SLC24A2: variants seen among roughly 807,000 people sequenced by gnomAD.
The protein encoded by SLC24A2 is sodium/potassium/calcium exchanger 2.
In SLC24A2, 36 loss-of-function variants were observed where a neutral mutation model predicts 62.0. The observed-to-expected ratio is 0.58, with a 90% CI of 0.44 to 0.77. The LOEUF (loss-of-function observed/expected upper bound fraction) is 0.77. Among genes scored for constraint, SLC24A2 ranks in the 30% least tolerant of loss-of-function variants. SLC24A2 has a pLI of 0.00. For synonymous variants in SLC24A2, 358 were observed against 294.0 expected (o/e 1.22, Z -2.23); for missense variants, 846 against 817.9 (o/e 1.03, Z -0.42).
rs1322752052 is a variant in SLC24A2 at position 19,512,939 on chromosome 9, T to G, written c.*3214A>C. The G allele has an allele frequency of 6.6e-6, 1 of 151,856 alleles. No homozygotes were observed. Among genetic ancestry groups the G allele is most frequent in the Non-Finnish European group, 1.5e-5 (1 of 67,994 alleles). 9.4% of individuals were successfully genotyped at this position (151,856 alleles called of 1,614,324 possible). A position where few individuals can be genotyped will look rare whatever the true frequency, so the allele number is the denominator to read the frequency against. ...TTGATATTCTTAGGGTGGGAAAATA[T>G]GGGTACATATGTGTATATTTGTAAA... On this transcript the variant is annotated 3_prime_UTR_variant, in exon 11 of 11. Coordinates refer to ENST00000341998, the MANE Select transcript of SLC24A2 (RefSeq NM_020344.4).
At chr9:20,159,101 G>C in the SLC24A2 span, among the ~76,000 whole-genome samples, 1 of 151,496 alleles carries the variant, frequency 6.6e-6, no homozygotes, top group Non-Finnish European at 1.5e-5. Context: ...AGAAATTTAA[G>C]GAAAGGAAGC....
the SLC24A2 span, among the ~76,000 whole-genome samples, chr9:19,961,371 T>C: frequency 6.6e-6 from 1 of 152,224 alleles, no homozygotes; most frequent in Non-Finnish European, 1.5e-5. Context: ...CTCTTTGTTT[T>C]TGACAGTATT....
At chr9:19,833,551 G>C in the SLC24A2 span, among the ~76,000 whole-genome samples, 2 of 152,234 alleles carry the variant, frequency 1.3e-5, no homozygotes, top group Non-Finnish European at 1.5e-5. Context: ...CATTGCGCAG[G>C]CTTGAGGAGG....
chr9:19,654,217 G>A lies in SLC24A2; in HGVS notation c.931-31918C>T, dbSNP rs530273016. Among the ~76,000 whole-genome samples, 20 of 152,210 alleles carry A rather than the reference G, an allele frequency of 1.3e-4. No homozygotes were observed. The South Asian group carries it at 3.5e-3, about 27-fold the overall frequency. ...TATAGAATGTAGCCTTTGATATCCCGCTCTTCCACATGTTTCTGAGATGCA... is the reference window on the plus strand; with the variant it reads ...TATAGAATGTAGCCTTTGATATCCCACTCTTCCACATGTTTCTGAGATGCA... On this transcript the variant is annotated intron_variant, in intron 2 of 10. Transcript: ENST00000341998.
At chr9:20,001,003 G>A in the SLC24A2 span, among the ~76,000 whole-genome samples, 7 of 152,322 alleles carry the variant, frequency 4.6e-5, no homozygotes, top group East Asian at 1.2e-3. Flanking sequence ...CAAGAGCAAA[G>A]ATCACGTTTT....
the SLC24A2 span, among the ~76,000 whole-genome samples, chr9:20,212,422 G>A: frequency 9.2e-5 from 14 of 151,720 alleles, no homozygotes; most frequent in South Asian, 4.1e-4. Context: ...AAGCCAAAGC[G>A]GACAGATCAC....
the SLC24A2 span, among the ~76,000 whole-genome samples, chr9:19,977,906 C>A: frequency 6.6e-6 from 1 of 152,150 alleles, no homozygotes; most frequent in African/African-American, 2.4e-5. Context: ...CAGAAAAGAC[C>A]ATGTTCCTGG....
At chr9:19,870,178 C>T in the SLC24A2 span, among the ~76,000 whole-genome samples, 7 of 152,202 alleles carry the variant, frequency 4.6e-5, no homozygotes, top group South Asian at 8.3e-4. Flanking sequence ...AGTAGTTATT[C>T]CTCATTTTTC....
chr9:20,104,906 C>T, the SLC24A2 span, among the ~76,000 whole-genome samples: 3 of 152,098 alleles, frequency 2.0e-5, no homozygotes, highest in Non-Finnish European at 1.5e-5. Flanking sequence ...CACTGGCAAA[C>T]TGGATAAAGA....
the SLC24A2 span, among the ~76,000 whole-genome samples, chr9:19,801,902 G>T: frequency 1.3e-5 from 2 of 152,168 alleles, no homozygotes; most frequent in Non-Finnish European, 2.9e-5. Flanking sequence ...TCAGACTGCA[G>T]TAGAGGTCGT....
the SLC24A2 span, among the ~76,000 whole-genome samples, chr9:20,047,218 G>T: frequency 6.6e-6 from 1 of 152,146 alleles, no homozygotes; most frequent in South Asian, 2.1e-4. Context: ...ACCAGCTTTG[G>T]AGTCAAGTTG....
At chr9:20,096,995 A>C in the SLC24A2 span, among the ~76,000 whole-genome samples, 1 of 152,228 alleles carries the variant, frequency 6.6e-6, no homozygotes, top group Non-Finnish European at 1.5e-5. Flanking sequence ...GTTCAAACTT[A>C]CTAAAGAAGT....
At chr9:19,904,736 C>G in the SLC24A2 span, among the ~76,000 whole-genome samples, 1 of 152,156 alleles carries the variant, frequency 6.6e-6, no homozygotes, top group East Asian at 1.9e-4. Flanking sequence ...TTTATAGTCT[C>G]TTGGGCATTT....
At chr9:19,848,202 C>A in the SLC24A2 span, among the ~76,000 whole-genome samples, 2 of 152,090 alleles carry the variant, frequency 1.3e-5, no homozygotes, top group African/African-American at 2.4e-5. Flanking sequence ...TTTCACCAAC[C>A]AAAAATAAGC....
chr9:19,906,626 TA>T, the SLC24A2 span, among the ~76,000 whole-genome samples: 6 of 151,736 alleles, frequency 4.0e-5, no homozygotes, highest in Non-Finnish European at 8.8e-5. Flanking sequence ...ATAGACGCAA[TA>T]AAAAATGATA....
At chr9:20,243,378 A>C in the SLC24A2 span, among the ~76,000 whole-genome samples, 1 of 152,226 alleles carries the variant, frequency 6.6e-6, no homozygotes, top group Non-Finnish European at 1.5e-5. Context: ...TCTATTTATG[A>C]AATATTTGAC....
chr9:19,932,301 T>C, the SLC24A2 span, among the ~76,000 whole-genome samples: 2 of 152,208 alleles, frequency 1.3e-5, no homozygotes, highest in Non-Finnish European at 2.9e-5. Context: ...CCGGTAGATA[T>C]TTTTTAACTG....
At chr9:19,700,904 G>A (rs947635663) in intron 2 of SLC24A2, among the ~76,000 whole-genome samples, 5 of 152,106 alleles carry the variant, frequency 3.3e-5, no homozygotes, top group Admixed American at 2.0e-4. Flanking sequence ...CAGACCTAAC[G>A]GATCAACATT....
chr9:19,856,783 A>T, the SLC24A2 span, among the ~76,000 whole-genome samples: 1 of 152,184 alleles, frequency 6.6e-6, no homozygotes, highest in African/African-American at 2.4e-5. Flanking sequence ...TGGATCCAGG[A>T]TCTGCTTAAC....
Sources: allele counts gnomAD v4.1 joint callset (sites outside exome capture counted in the v4.1 genomes callset), GRCh38; gene constraint gnomAD v4.1.1; transcripts MANE v1.5; gene names NCBI Gene and HGNC (gene_info 2026-07-23, HGNC 2026-07-21).